CLDN15: variants seen among roughly 807,000 people sequenced by gnomAD.
CLDN15 encodes claudin 15, also known as claudin-15.
Under a neutral mutation model 24.5 loss-of-function variants are expected in CLDN15, and 9 were observed. That is an observed-to-expected ratio of 0.37 (90% CI 0.22 to 0.64). The LOEUF is 0.64. CLDN15 is among the 30% of genes least tolerant of loss of function. The pLI, the probability that CLDN15 is intolerant of heterozygous loss-of-function variation, is 0.63. For missense variants in CLDN15, 248 were observed against 305.9 expected, an observed-to-expected ratio of 0.81 and a Z score of 1.41; for synonymous variants, 149 against 131.4, an observed-to-expected ratio of 1.13 and a Z score of -0.92.
At chr7:101,236,086 C>T (rs1798615470) in intron 1 of CLDN15, among the ~76,000 whole-genome samples, 1 of 152,198 alleles carries the variant, frequency 6.6e-6, no homozygotes, top group African/African-American at 2.4e-5. Context: ...CACCATCTTT[C>T]ATGCAGTTGC....
At chr7:101,238,809 G>A (rs7808669), upstream of CLDN15, 10,398 of 152,328 alleles carry the variant, frequency 0.068, 408 homozygotes, top group African/African-American at 0.11. Context: ...TCCCCATCCC[G>A]AGCCAGTGCA....
chr7:101,232,521 G>C lies in CLDN15; in HGVS notation c.582-6C>G, dbSNP rs1474510796. 6.2e-7 allele frequency: 1 copy of C among 1,606,462 alleles called. No homozygotes were observed. On this transcript the variant is annotated splice_region_variant and splice_polypyrimidine_tract_variant and intron_variant, in intron 4 of 4. Transcript: ENST00000308344. ...CCTGGTAGGGCCGCCGGGCGCTGCG[G>C]GGAGGGCCCGGGGTCAGAGCGGGGG...
At chr7:101,233,928 GGCACTGTGGACGT>G in intron 2 of CLDN15, 1 of 427,710 alleles carries the variant, frequency 2.3e-6, no homozygotes, top group Non-Finnish European at 4.6e-6. Context: ...CCCGTGGTAT[GGCACTGTGGACGT>G]GCACTGTGTG....
Position 101,237,467 on chromosome 7 carries a change from T to G in CLDN15, c.115A>C (p.Ile39Leu). 1 of 1,614,062 alleles carries G rather than the reference T, an allele frequency of 6.2e-7. No homozygotes were observed. Among genetic ancestry groups the G allele is most frequent in the Non-Finnish European group, 8.5e-7 (1 of 1,179,934 alleles). The stretch of plus-strand genomic sequence containing the variant: ...TTCTCGAAGATGGTGTTGGTGGTGA[T>G]GACGTTCCCGTGCACAGTGGACACT... ...WRVSTVHGNV[I>L]TTNTIFENLW... Residue 39 changes from isoleucine to leucine, a missense_variant, in exon 1 of 5, where the codon ATC becomes CTC. Ile to Leu is a conservative substitution (Grantham distance 5). Transcript: ENST00000308344. The surrounding 1 kb of genome is among the most constrained non-coding windows in gnomAD (Gnocchi z 4.0).
chr7:101,232,768 C>T, intron 3 of CLDN15, 48 bp from the exon 4 acceptor site: 1 of 1,579,678 alleles, frequency 6.3e-7, no homozygotes, highest in African/African-American at 1.3e-5. Context: ...AGACGCCAGC[C>T]GGGGGGCAGG....
At position 101,237,475 on chromosome 7, in the gene CLDN15, C is replaced by T; in HGVS notation, c.107G>A (p.Gly36Glu). 1 of 1,614,000 alleles carries T rather than the reference C, an allele frequency of 6.2e-7. No individual in the cohort carries two copies. The highest frequency in any genetic ancestry group is 8.5e-7 in the Non-Finnish European group (1 of 1,179,874). The change falls in exon 1 of 5, where the codon GGG becomes GAG. Residue 36 changes from glycine to glutamate, a missense_variant. By Grantham distance (98) the Gly-to-Glu change is moderately conservative (BLOSUM62 -2). Coordinates refer to ENST00000308344, the MANE Select transcript of CLDN15 (RefSeq NM_014343.3). This position sits in a 1 kb window ranked among gnomAD's most constrained non-coding sequence, Gnocchi z 4.0. ...GATGGTGTTGGTGGTGATGACGTTCCCGTGCACAGTGGACACTCGCCAGTA... is the reference window on the plus strand; with the variant it reads ...GATGGTGTTGGTGGTGATGACGTTCTCGTGCACAGTGGACACTCGCCAGTA... ...NSYWRVSTVH[G>E]NVITTNTIFE...
At chr7:101,237,921 G>C (rs908618737), upstream of CLDN15, 6 of 347,378 alleles carry the variant, frequency 1.7e-5, no homozygotes, top group South Asian at 5.1e-5. This position sits in a 1 kb window ranked among gnomAD's most constrained non-coding sequence, Gnocchi z 4.0. Context: ...CCACGAGGGT[G>C]GGGGGGGCAG....
At chr7:101,234,020 A>G (rs954080821) in intron 2 of CLDN15, 20 of 673,222 alleles carry the variant, frequency 3.0e-5, no homozygotes, top group Non-Finnish European at 4.4e-5. Flanking sequence ...GCAGCCGCTC[A>G]CTCTTATCTT....
intron 2 of CLDN15, chr7:101,233,735 C>T: frequency 5.3e-6 from 1 of 188,770 alleles, no homozygotes; most frequent in East Asian, 1.4e-4. Context: ...GTCAGTGGGA[C>T]TACAGGTGCC....
At chr7:101,234,847 C>T (rs897800460) in intron 1 of CLDN15, among the ~76,000 whole-genome samples, 21 of 152,052 alleles carry the variant, frequency 1.4e-4, no homozygotes, top group Non-Finnish European at 4.4e-5. Flanking sequence ...CCCCTCCCAC[C>T]CTGCTCCCCA....
At position 101,234,591 on chromosome 7, in the gene CLDN15, TA is replaced by T. The variant is rs549569188; in HGVS notation, c.218-150del. The stretch of plus-strand genomic sequence containing the variant: ...ACAGACACGCACCACCACGCCCGGC[TA>T]ATTTTTCTGTTTTTAGTAGAGACAG... On this transcript the variant is annotated intron_variant, in intron 1 of 4. Coordinates refer to ENST00000308344, the MANE Select transcript of CLDN15 (RefSeq NM_014343.3). 1.6e-4 allele frequency: 96 copies of T among 608,598 alleles called. 1 individual carries two copies. The Middle Eastern group carries it at 3.5e-3, about 22-fold the overall frequency. 37.7% of individuals were successfully genotyped at this position (608,598 alleles called of 1,614,324 possible).
chr7:101,235,741 A>ACT (rs1455474178), intron 1 of CLDN15, among the ~76,000 whole-genome samples: 1 of 151,714 alleles, frequency 6.6e-6, no homozygotes, highest in African/African-American at 2.4e-5. Context: ...CCTCCCAGCC[A>ACT]CTCCCTCTGG....
intron 2 of CLDN15, among the ~76,000 whole-genome samples, chr7:101,233,292 C>G (rs969533422): frequency 6.6e-6 from 1 of 152,016 alleles, no homozygotes; most frequent in Non-Finnish European, 1.5e-5. Context: ...ACCTTGAAAA[C>G]CCAGCTGGGC....
rs1798659868 is a variant in CLDN15, at chr7:101,237,723, C to G, written c.-142G>C. Reference sequence around the variant, plus strand: ...CAGCCTCAGCCTCTGCCTGCCTCTTCCTCGGGCTCAGGTCCGTCTCCACTT... The same window carrying G: ...CAGCCTCAGCCTCTGCCTGCCTCTTGCTCGGGCTCAGGTCCGTCTCCACTT... On this transcript the variant is annotated 5_prime_UTR_variant, in exon 1 of 5. Coordinates refer to ENST00000308344, the MANE Select transcript of CLDN15 (RefSeq NM_014343.3). This position sits in a 1 kb window ranked among gnomAD's most constrained non-coding sequence, Gnocchi z 4.0. 1 of 657,980 alleles carries G rather than the reference C, an allele frequency of 1.5e-6. No individual in the cohort carries two copies. Among genetic ancestry groups the G allele is most frequent in the East Asian group, 2.7e-5 (1 of 36,900 alleles). 40.8% of individuals were successfully genotyped at this position (657,980 alleles called of 1,614,324 possible).
Position 101,237,620 on chromosome 7 carries a change from A to G in CLDN15, c.-39T>C. On this transcript the variant is annotated 5_prime_UTR_variant, in exon 1 of 5. Coordinates refer to ENST00000308344, the MANE Select transcript of CLDN15 (RefSeq NM_014343.3). This position sits in a 1 kb window ranked among gnomAD's most constrained non-coding sequence, Gnocchi z 4.0. ...ACCCTGGGGGGCTGGTGCCCCAGAGAGGGGGAGGGGCAGAACCCCTAGGGA... is the reference window on the plus strand; with the variant it reads ...ACCCTGGGGGGCTGGTGCCCCAGAGGGGGGGAGGGGCAGAACCCCTAGGGA... 6.8e-7 allele frequency: 1 copy of G among 1,478,062 alleles called. No individual in the cohort carries two copies. Among genetic ancestry groups the G allele is most frequent in the Non-Finnish European group, 9.4e-7 (1 of 1,058,344 alleles). 91.6% of individuals were successfully genotyped at this position (1,478,062 alleles called of 1,614,324 possible). A position where few individuals can be genotyped will look rare whatever the true frequency, so the allele number is the denominator to read the frequency against.
upstream of CLDN15, chr7:101,238,233 G>A (rs568225031): frequency 5.1e-5 from 8 of 155,792 alleles, no homozygotes; most frequent in South Asian, 1.6e-3. Context: ...GCTGGAATGA[G>A]GGGATGGGAG....
At chr7:101,234,644 C>G (rs1420439703) in intron 1 of CLDN15, among the ~76,000 whole-genome samples, 2 of 152,018 alleles carry the variant, frequency 1.3e-5, no homozygotes, top group Admixed American at 1.3e-4. Context: ...CCAGGCTGGT[C>G]TCGAACTCCT....
At chr7:101,233,672 T>C in intron 2 of CLDN15, 1 of 174,670 alleles carries the variant, frequency 5.7e-6, no homozygotes, top group Non-Finnish European at 1.2e-5. Flanking sequence ...AATCTTGGCT[T>C]ACTACAACTT....
At position 101,232,467 on chromosome 7, in the gene CLDN15, G is replaced by T. The variant is rs756934010; in HGVS notation, c.630C>A (p.Thr210=). The T allele has an allele frequency of 6.2e-7, 1 of 1,613,548 alleles. No homozygotes were observed. The highest frequency in any genetic ancestry group is 2.2e-5 in the East Asian group (1 of 44,858). The part of the protein sequence containing the change: ...QAPVSVMPVA[T]SDQEGDSSFG... Reference sequence around the variant, plus strand: ...AGCTGCTGTCGCCTTCTTGGTCCGAGGTGGCGACGGGCATCACGGACACTG... The same window carrying T: ...AGCTGCTGTCGCCTTCTTGGTCCGATGTGGCGACGGGCATCACGGACACTG... Residue 210 remains threonine (T), a synonymous_variant, in exon 5 of 5, where the codon ACC becomes ACA. Coordinates refer to ENST00000308344, the MANE Select transcript of CLDN15 (RefSeq NM_014343.3).
Sources: allele counts gnomAD v4.1 joint callset (sites outside exome capture counted in the v4.1 genomes callset), GRCh38; gene constraint gnomAD v4.1.1; non-coding constraint Gnocchi (gnomAD v3.1); transcripts MANE v1.5; gene names NCBI Gene and HGNC (gene_info 2026-07-23, HGNC 2026-07-21).